The following SCN8A variants were observed in gnomAD, a reference collection of about 807,000 sequenced individuals.
SCN8A encodes the protein sodium channel protein type 8 subunit alpha.
In SCN8A, 30 loss-of-function variants were observed where a neutral mutation model predicts 184.1. That is an observed-to-expected ratio of 0.16 (90% CI 0.12 to 0.22). The LOEUF (loss-of-function observed/expected upper bound fraction) is 0.22, where lower values mean the gene tolerates loss of function less well. Among genes scored for constraint, SCN8A ranks in the 10% least tolerant of loss-of-function variants. The pLI is 1.00. For synonymous variants in SCN8A, 852 were observed against 907.0 expected, an observed-to-expected ratio of 0.94 and a Z score of 1.09; for missense variants, 1,057 against 2,498.9, an observed-to-expected ratio of 0.42 and a Z score of 12.30.
intron 14 of SCN8A, among the ~76,000 whole-genome samples, chr12:51,754,457 A>T (rs900131177): frequency 6.6e-6 from 1 of 151,894 alleles, no homozygotes; most frequent in Non-Finnish European, 1.5e-5. Flanking sequence ...CAGGAAATTA[A>T]CATTGATACA....
At chr12:51,622,500 G>A (rs1007125319) in intron 1 of SCN8A, among the ~76,000 whole-genome samples, 1 of 152,060 alleles carries the variant, frequency 6.6e-6, no homozygotes, top group Non-Finnish European at 1.5e-5. Context: ...TACTGATGAG[G>A]TATTTTGTAG....
At chr12:51,644,380 G>A (rs1453255492) in intron 1 of SCN8A, among the ~76,000 whole-genome samples, 6 of 152,184 alleles carry the variant, frequency 3.9e-5, no homozygotes, top group Non-Finnish European at 5.9e-5. Flanking sequence ...TATGGGATAA[G>A]AACAATAACT....
At position 51,662,781 on chromosome 12, in the gene SCN8A, C is replaced by T. The variant is rs201644491; in HGVS notation, c.-37C>T. The T allele has an allele frequency of 2.4e-5, 38 of 1,604,756 alleles. No homozygotes were observed. Among genetic ancestry groups the T allele is most frequent in the African/African-American group, 1.1e-4 (8 of 74,798 alleles). ...TCTTCCAGAGCTGACCTGTCCTGGA[C>T]GCAGCATAACTAACGAAGCTGCTGC... On this transcript the variant is annotated 5_prime_UTR_variant, in exon 2 of 27. The change creates a new upstream start codon in the 5' untranslated region. Transcript: ENST00000627620.
Position 51,806,182 on chromosome 12 carries a change from GCCCTTTGAA to G in SCN8A, c.4796-97_4796-89del. Reference sequence around the variant, plus strand: ...AATAGTAAGGCACTTATTCTGCAAAGCCCTTTGAACCTAAGGGTTCCACAATGCCAGGTA... The same window carrying G: ...AATAGTAAGGCACTTATTCTGCAAAGCCTAAGGGTTCCACAATGCCAGGTA... On this transcript the variant is annotated intron_variant, in intron 26 of 26. Transcript: ENST00000627620. This position sits in a 1 kb window ranked among gnomAD's most constrained non-coding sequence, Gnocchi z 8.7. 3 of 1,137,072 alleles carry G rather than the reference GCCCTTTGAA, an allele frequency of 2.6e-6. No individual in the cohort carries two copies. The highest frequency in any genetic ancestry group is 3.7e-6 in the Non-Finnish European group (3 of 812,512). The allele number at this position is 1,137,072 out of a possible 1,614,324, so 70.4% of individuals were successfully genotyped here. A position where few individuals can be genotyped will look rare whatever the true frequency, so the allele number is the denominator to read the frequency against.
chr12:51,599,889 A>G (rs927134001), intron 1 of SCN8A, among the ~76,000 whole-genome samples: 2 of 152,348 alleles, frequency 1.3e-5, no homozygotes, highest in Admixed American at 1.3e-4. Flanking sequence ...AACTCAGTGA[A>G]TGACTTTACA....
chr12:51,731,820 G>T (rs576322325), intron 12 of SCN8A, among the ~76,000 whole-genome samples: 4 of 152,102 alleles, frequency 2.6e-5, no homozygotes, highest in Admixed American at 1.3e-4. Context: ...TCTGATGATC[G>T]TAATGTTAGG....
At chr12:51,671,744 A>G (rs1311041038) in intron 2 of SCN8A, among the ~76,000 whole-genome samples, 2 of 152,234 alleles carry the variant, frequency 1.3e-5, no homozygotes, top group Non-Finnish European at 2.9e-5. Flanking sequence ...TTCCAAATTG[A>G]CAAATGAGTT....
chr12:51,634,834 G>C (rs1253640149), intron 1 of SCN8A, among the ~76,000 whole-genome samples: 1 of 151,322 alleles, frequency 6.6e-6, no homozygotes, highest in African/African-American at 2.4e-5. Flanking sequence ...TTTTTTAGTA[G>C]AGACAGGGTT....
intron 1 of SCN8A, among the ~76,000 whole-genome samples, chr12:51,644,754 G>A (rs1456150242): frequency 2.6e-5 from 4 of 151,304 alleles, no homozygotes; most frequent in African/African-American, 9.7e-5. Context: ...AGTGAGGAGC[G>A]TCTCTGCCCG....
In SCN8A at chr12:51,699,635, A is replaced by G; in HGVS notation, c.772A>G (p.Thr258Ala). 6.2e-7 allele frequency: 1 copy of G among 1,614,060 alleles called. No individual in the cohort carries two copies. The highest frequency in any genetic ancestry group is 8.5e-7 in the Non-Finnish European group (1 of 1,180,004). Residue 258 changes from threonine (T) to alanine (A), a missense_variant, in exon 7 of 27, where the codon ACA becomes GCA. By Grantham distance (58) the Thr-to-Ala change is moderately conservative (BLOSUM62 0). Coordinates refer to ENST00000627620, the MANE Select transcript of SCN8A (RefSeq NM_001330260.2). ...GAAACTGTCAGATGTGATGATCCTG[A>G]CAGTGTTCTGCCTGAGTGTTTTTGC... ...VKKLSDVMILTVFCLSVFALI... is the reference protein window; with the variant it reads ...VKKLSDVMILAVFCLSVFALI...
intron 6 of SCN8A, among the ~76,000 whole-genome samples, chr12:51,693,125 G>T (rs900435405): frequency 6.6e-6 from 1 of 152,154 alleles, no homozygotes; most frequent in Non-Finnish European, 1.5e-5. Flanking sequence ...TATTCACAAA[G>T]AAAGCATTTT....
chr12:51,701,100 C>T (rs1182592045), intron 7 of SCN8A, 44 bp from the exon 8 acceptor site: 1 of 1,392,246 alleles, frequency 7.2e-7, no homozygotes, highest in African/African-American at 1.4e-5. Context: ...CTCTCATTCA[C>T]TTAAATCTGC....
intron 1 of SCN8A, among the ~76,000 whole-genome samples, chr12:51,638,863 G>A (rs1218717202): frequency 6.6e-6 from 1 of 152,126 alleles, no homozygotes; most frequent in Non-Finnish European, 1.5e-5. Context: ...CAGATGTGGT[G>A]AAAATAGCAA....
chr12:51,681,783 G>A (rs1941338503), intron 2 of SCN8A, among the ~76,000 whole-genome samples: 2 of 152,110 alleles, frequency 1.3e-5, no homozygotes, highest in African/African-American at 4.8e-5. Context: ...CGTGACTCTG[G>A]TAGATTAGGA....
At chr12:51,788,137 G>A (rs1348188407) in intron 22 of SCN8A, among the ~76,000 whole-genome samples, 2 of 152,166 alleles carry the variant, frequency 1.3e-5, no homozygotes, top group East Asian at 1.9e-4. Context: ...ATAGTAGACT[G>A]AAGGAGTAGA....
At chr12:51,745,475 T>C (rs1942494959) in intron 12 of SCN8A, among the ~76,000 whole-genome samples, 1 of 152,168 alleles carries the variant, frequency 6.6e-6, no homozygotes, top group Admixed American at 6.5e-5. Flanking sequence ...GGACTTGACT[T>C]TAATGAAATT....
chr12:51,807,449 A>G lies in SCN8A; in HGVS notation c.*20A>G, dbSNP rs1268499423. The G allele has an allele frequency of 6.3e-7, 1 of 1,589,692 alleles. No individual in the cohort carries two copies. Among genetic ancestry groups the G allele is most frequent in the South Asian group, 1.1e-5 (1 of 87,996 alleles). The stretch of plus-strand genomic sequence containing the variant: ...TGTTAGAGGAGAACAAAAATTCAGT[A>G]TTATACAGATCTAAAACTCGCAAGT... On this transcript the variant is annotated 3_prime_UTR_variant, in exon 27 of 27. Transcript: ENST00000627620. This position sits in a 1 kb window ranked among gnomAD's most constrained non-coding sequence, Gnocchi z 4.5.
In SCN8A at chr12:51,608,576, A is replaced by G. The variant is rs568312671; in HGVS notation, c.-55+17217A>G. Among the ~76,000 whole-genome samples, 6 of 152,186 alleles carry G rather than the reference A, an allele frequency of 3.9e-5. No individual in the cohort carries two copies. The East Asian group carries it at 9.7e-4, about 25-fold the overall frequency. On this transcript the variant is annotated intron_variant, in intron 1 of 26. Coordinates refer to ENST00000627620, the MANE Select transcript of SCN8A (RefSeq NM_001330260.2). Reference sequence around the variant, plus strand: ...TGATCTTTTGTATTTCAGTGATATCAGTTGTAATACCTCCAGTTTTGTTTC... The same window carrying G: ...TGATCTTTTGTATTTCAGTGATATCGGTTGTAATACCTCCAGTTTTGTTTC...
In SCN8A at chr12:51,600,327, CTT is replaced by C. The variant is rs1389410593; in HGVS notation, c.-55+8971_-55+8972del. On this transcript the variant is annotated intron_variant, in intron 1 of 26. Coordinates refer to ENST00000627620, the MANE Select transcript of SCN8A (RefSeq NM_001330260.2). Reference sequence around the variant, plus strand: ...CTTTTTATAGACTTGGTAAATGACTCTTTTGTCCTTACCGAAACTCAGTATAT... The same window carrying C: ...CTTTTTATAGACTTGGTAAATGACTCTTGTCCTTACCGAAACTCAGTATAT... Among the ~76,000 whole-genome samples the C allele has an allele frequency of 3.9e-5, 6 of 152,112 alleles. No individual in the cohort carries two copies. The South Asian group carries it at 1.2e-3, about 32-fold the overall frequency.
Sources: gnomAD v4.1 joint callset for allele counts (sites outside exome capture counted in the v4.1 genomes callset) on GRCh38, gnomAD v4.1.1 for gene constraint, Gnocchi (gnomAD v3.1) non-coding constraint, MANE v1.5 for transcripts, NCBI Gene and HGNC (gene_info 2026-07-23, HGNC 2026-07-21) for gene names.